Variants in SLCO5A1 observed in about 807,000 individuals in gnomAD.
SLCO5A1 encodes the protein organic anion transporter polypeptide-related protein 4.
Under a neutral mutation model 65.1 loss-of-function variants are expected in SLCO5A1, and 39 were observed. The observed-to-expected ratio is 0.60, with a 90% confidence interval of 0.46 to 0.78. The LOEUF (loss-of-function observed/expected upper bound fraction) is 0.78, where lower values mean the gene tolerates loss of function less well. Among genes scored for constraint, SLCO5A1 ranks in the 30% least tolerant of loss-of-function variants. SLCO5A1 has a pLI of 0.00. For missense variants in SLCO5A1, 1,029 were observed against 1,069.4 expected (o/e 0.96, Z 0.53); for synonymous variants, 438 against 415.7 (o/e 1.05, Z -0.65).
At chr8:69,829,368 A>G (rs1214599643) in intron 2 of SLCO5A1, among the ~76,000 whole-genome samples, 4 of 152,256 alleles carry the variant, frequency 2.6e-5, no homozygotes, top group Non-Finnish European at 5.9e-5. Flanking sequence ...CAAAAAGTCT[A>G]TGCCATGGAA....
chr8:69,821,482 GAGA>G (rs1320262269), intron 2 of SLCO5A1, among the ~76,000 whole-genome samples: 3 of 151,794 alleles, frequency 2.0e-5, no homozygotes, highest in Non-Finnish European at 4.4e-5. Context: ...GAAGGACAAG[GAGA>G]AGAAGAAGAA....
chr8:69,698,894 G>C (rs764055054), intron 6 of SLCO5A1, among the ~76,000 whole-genome samples: 5 of 152,150 alleles, frequency 3.3e-5, no homozygotes, highest in Non-Finnish European at 7.3e-5. Context: ...AAAACTAGTG[G>C]ATACAACTGA....
chr8:69,791,895 A>T (rs1819286659), intron 2 of SLCO5A1, among the ~76,000 whole-genome samples: 2 of 152,266 alleles, frequency 1.3e-5, no homozygotes, highest in Non-Finnish European at 1.5e-5. Flanking sequence ...GACTATCAGG[A>T]TAAACAACAT....
intron 5 of SLCO5A1, chr8:69,719,614 A>AGAGAATATTAACTGT (rs1815723863): frequency 6.6e-6 from 1 of 152,248 alleles, no homozygotes; most frequent in Admixed American, 6.5e-5. Flanking sequence ...TAAAATTGGA[A>AGAGAATATTAACTGT]GAGAATATTA....
At chr8:69,784,344 T>C (rs1818919751) in intron 2 of SLCO5A1, among the ~76,000 whole-genome samples, 1 of 152,182 alleles carries the variant, frequency 6.6e-6, no homozygotes, top group Non-Finnish European at 1.5e-5. Flanking sequence ...AGCAATAAGA[T>C]ACCACTATCA....
chr8:69,815,241 T>A (rs1042743337), intron 2 of SLCO5A1, among the ~76,000 whole-genome samples: 1 of 152,218 alleles, frequency 6.6e-6, no homozygotes, highest in African/African-American at 2.4e-5. Flanking sequence ...TCATAAATCA[T>A]AACATCACTT....
intron 4 of SLCO5A1, among the ~76,000 whole-genome samples, chr8:69,738,585 C>A (rs756991421): frequency 1.3e-5 from 2 of 152,082 alleles, no homozygotes; most frequent in Non-Finnish European, 2.9e-5. Context: ...GTGTAAAGTG[C>A]CTGCAATGCA....
At chr8:69,803,883 A>C (rs775017662) in intron 2 of SLCO5A1, among the ~76,000 whole-genome samples, 1 of 152,106 alleles carries the variant, frequency 6.6e-6, no homozygotes, top group Non-Finnish European at 1.5e-5. Flanking sequence ...TTGAGGCTGC[A>C]GTGAGCTATG....
intron 2 of SLCO5A1, among the ~76,000 whole-genome samples, chr8:69,800,238 C>T (rs559067201): frequency 7.0e-4 from 100 of 142,728 alleles, no homozygotes; most frequent in Non-Finnish European, 1.2e-3. Flanking sequence ...AATTCACAGA[C>T]GCTTGAATTT....
At chr8:69,747,802 C>T (rs1287908394) in intron 4 of SLCO5A1, among the ~76,000 whole-genome samples, 1 of 152,192 alleles carries the variant, frequency 6.6e-6, no homozygotes, top group Admixed American at 6.5e-5. Context: ...GATCGTCCTG[C>T]AGTGAAAACC....
In SLCO5A1 at chr8:69,814,943, C is replaced by G. The variant is rs1319197600; in HGVS notation, c.907+16824G>C. Among the ~76,000 whole-genome samples the G allele has an allele frequency of 2.0e-5, 3 of 152,116 alleles. No individual in the cohort carries two copies. The East Asian group carries it at 5.8e-4, about 29-fold the overall frequency. ...ATATTCTCACTTATGAAATCATGTT[C>G]ACTTGTGAAATCTAAAACAATCAAA... On this transcript the variant is annotated intron_variant, in intron 2 of 9. Transcript: ENST00000260126.
intron 2 of SLCO5A1, among the ~76,000 whole-genome samples, chr8:69,826,847 T>C (rs993943704): frequency 3.3e-5 from 5 of 152,028 alleles, no homozygotes; most frequent in East Asian, 3.9e-4. Flanking sequence ...CACATGCACA[T>C]GTATGTTTAT....
intron 2 of SLCO5A1, among the ~76,000 whole-genome samples, chr8:69,780,866 C>T (rs899581035): frequency 6.6e-6 from 1 of 151,294 alleles, no homozygotes; most frequent in Non-Finnish European, 1.5e-5. Context: ...AAAAAAAAAT[C>T]ACATCAGAGC....
At chr8:69,801,119 T>C (rs1819717296) in intron 2 of SLCO5A1, among the ~76,000 whole-genome samples, 1 of 152,228 alleles carries the variant, frequency 6.6e-6, no homozygotes, top group Non-Finnish European at 1.5e-5. Context: ...CTCTTTAACA[T>C]AATTATTTAC....
intron 4 of SLCO5A1, among the ~76,000 whole-genome samples, chr8:69,739,229 C>T (rs940791052): frequency 1.3e-5 from 2 of 152,174 alleles, no homozygotes; most frequent in African/African-American, 4.8e-5. Flanking sequence ...ATATACTTCT[C>T]AATCATACTC....
At chr8:69,748,033 C>CG (rs1817116668) in intron 4 of SLCO5A1, among the ~76,000 whole-genome samples, 1 of 152,130 alleles carries the variant, frequency 6.6e-6, no homozygotes. Context: ...AATGATCCCA[C>CG]GGGTTTCCCA....
intron 2 of SLCO5A1, among the ~76,000 whole-genome samples, chr8:69,775,236 T>C (rs2130877486): frequency 6.6e-6 from 1 of 152,320 alleles, no homozygotes; most frequent in South Asian, 2.1e-4. Context: ...CTAACTTCCT[T>C]TAGAAATATT....
intron 2 of SLCO5A1, among the ~76,000 whole-genome samples, chr8:69,792,253 G>GA (rs11288763): frequency 4.3e-4 from 64 of 147,896 alleles, no homozygotes; most frequent in South Asian, 3.0e-3. Flanking sequence ...ATTCACAAAG[G>GA]AAAAAAAAAA....
chr8:69,672,234 C>CT lies in SLCO5A1; in HGVS notation c.*634dup, dbSNP rs1398110925. The CT allele has an allele frequency of 6.6e-6, 1 of 152,596 alleles. No individual in the cohort carries two copies. The highest frequency in any genetic ancestry group is 2.4e-5 in the African/African-American group (1 of 41,452). The allele number at this position is 152,596 out of a possible 1,614,324, so 9.5% of individuals were successfully genotyped here. Reference sequence around the variant, plus strand: ...TGAAGTAGCTGTTCCTTCTATCACACTATGCCTATGGTTCCTCTGAAGCAT... The same window carrying CT: ...TGAAGTAGCTGTTCCTTCTATCACACTTATGCCTATGGTTCCTCTGAAGCAT... On this transcript the variant is annotated 3_prime_UTR_variant, in exon 10 of 10. Transcript: ENST00000260126.
Sources: gnomAD v4.1 joint callset for allele counts (sites outside exome capture counted in the v4.1 genomes callset) on GRCh38, gnomAD v4.1.1 for gene constraint, MANE v1.5 for transcripts, NCBI Gene and HGNC (gene_info 2026-07-23, HGNC 2026-07-21) for gene names.